ORC1: variants seen among roughly 807,000 people sequenced by gnomAD.
The protein encoded by ORC1 is origin recognition complex, subunit 1 homolog.
Under a neutral mutation model 98.9 loss-of-function variants are expected in ORC1, and 61 were observed. The observed-to-expected ratio is 0.62, with a 90% CI of 0.50 to 0.76. ORC1 has a LOEUF of 0.76. Among genes scored for constraint, ORC1 ranks in the 30% least tolerant of loss-of-function variants. The probability of loss-of-function intolerance (pLI) is 0.00; values close to 1 mark genes in which losing one functional copy is unlikely to be tolerated. For missense variants in ORC1, 979 were observed against 1,072.2 expected, an observed-to-expected ratio of 0.91 and a Z score of 1.21; for synonymous variants, 385 against 406.9, an observed-to-expected ratio of 0.95 and a Z score of 0.65.
chr1:52,385,334 T>C (rs1167863000), intron 9 of ORC1, 72 bp from the exon 10 acceptor site: 17 of 968,278 alleles, frequency 1.8e-5, no homozygotes, highest in Admixed American at 3.4e-5. Context: ...CATTAATCAA[T>C]GGAAAATGAT....
At position 52,374,124 on chromosome 1, in the gene ORC1, A is replaced by G. The variant is rs530927839; in HGVS notation, c.2391+686T>C. ...CACTGCAGATGTTCAGGAAATGTTT[A>G]CAAACTAAAATGAAAGTCACTCTCT... On this transcript the variant is annotated intron_variant, in intron 16 of 16. Transcript: ENST00000371568. Among the ~76,000 whole-genome samples, 108 of 152,362 alleles carry G rather than the reference A, an allele frequency of 7.1e-4. 2 individuals are homozygous for G. In the East Asian group the frequency reaches 8.3e-3, roughly 12 times the overall value.
intron 10 of ORC1, 70 bp from the exon 11 acceptor site, chr1:52,384,791 T>A: frequency 7.4e-7 from 1 of 1,352,260 alleles, no homozygotes. Flanking sequence ...CAGTTAGGAG[T>A]GTGGGAATGT....
chr1:52,382,559 A>G (rs1453341304), intron 13 of ORC1, among the ~76,000 whole-genome samples: 2 of 148,300 alleles, frequency 1.3e-5, no homozygotes, highest in Non-Finnish European at 3.0e-5. Context: ...CTGGCAGGTT[A>G]TAAGTGCTAA....
At chr1:52,393,882 C>T in intron 5 of ORC1, 79 bp from the exon 6 acceptor site, 2 of 1,460,788 alleles carry the variant, frequency 1.4e-6, no homozygotes, top group South Asian at 2.3e-5. Flanking sequence ...CCAAATTCAG[C>T]CACTGAGTTA....
chr1:52,373,268 A>G lies in ORC1; in HGVS notation c.2499T>C (p.Leu833=), dbSNP rs758405459. Residue 833 remains leucine, a synonymous_variant, in exon 17 of 17, where the codon CTT becomes CTC. Coordinates refer to ENST00000371568, the MANE Select transcript of ORC1 (RefSeq NM_004153.4). ...GCAGATCGTTCCTGCTGGGCTCCACAAGCAGGAGGCGACAGGAGCCCAGGT... is the reference window on the plus strand; with the variant it reads ...GCAGATCGTTCCTGCTGGGCTCCACGAGCAGGAGGCGACAGGAGCCCAGGT... ...CSHLGSCRLL[L]VEPSRNDLLL... 3 of 1,614,044 alleles carry G rather than the reference A, an allele frequency of 1.9e-6. No individual in the cohort carries two copies. The highest frequency in any genetic ancestry group is 2.7e-5 in the African/African-American group (2 of 74,930).
At chr1:52,380,725 G>A (rs1647058707) in intron 14 of ORC1, among the ~76,000 whole-genome samples, 2 of 151,286 alleles carry the variant, frequency 1.3e-5, no homozygotes, top group Non-Finnish European at 2.9e-5. Flanking sequence ...CATAAAAAAA[G>A]GATCATTCAA....
At chr1:52,404,772 A>T (rs779360363), upstream of ORC1, 1 of 1,614,138 alleles carries the variant, frequency 6.2e-7, no homozygotes, top group Admixed American at 1.7e-5. Flanking sequence ...ACAGTGAAGG[A>T]TGCGCACAGC....
upstream of ORC1, among the ~76,000 whole-genome samples, chr1:52,406,393 C>CAT (rs2147953831): frequency 6.6e-6 from 1 of 152,290 alleles, no homozygotes; most frequent in African/African-American, 2.4e-5. Context: ...TCACTAAATA[C>CAT]ATATTAAGCA....
At chr1:52,405,385 T>C (rs1569970607), upstream of ORC1, among the ~76,000 whole-genome samples, 1 of 152,232 alleles carries the variant, frequency 6.6e-6, no homozygotes, top group East Asian at 1.9e-4. Flanking sequence ...AGCAAGTCAC[T>C]TTACCTTTCT....
In ORC1 at chr1:52,375,512, C is replaced by A; in HGVS notation, c.2221G>T (p.Asp741Tyr). ...GCTATGGTGACCAGGCCAGGGGAGT[C>A]AGGCTTCTGCTGGGAGAACTCACAG... ...EICEFSQQKP[D>Y]SPGLVTIAHS... Residue 741 changes from aspartate to tyrosine, a missense_variant, in exon 15 of 17, where the codon GAC becomes TAC. Coordinates refer to ENST00000371568, the MANE Select transcript of ORC1 (RefSeq NM_004153.4). 1 of 1,614,170 alleles carries A rather than the reference C, an allele frequency of 6.2e-7. No homozygotes were observed. Among genetic ancestry groups the A allele is most frequent in the Non-Finnish European group, 8.5e-7 (1 of 1,180,028 alleles).
Position 52,397,822 on chromosome 1 carries a change from A to G in ORC1, c.265T>C (p.Phe89Leu). 1 of 1,614,222 alleles carries G rather than the reference A, an allele frequency of 6.2e-7. No individual in the cohort carries two copies. The highest frequency in any genetic ancestry group is 8.5e-7 in the Non-Finnish European group (1 of 1,180,038). Residue 89 changes from phenylalanine (F) to leucine (L), a missense_variant, in exon 4 of 17, where the codon TTT becomes CTT. Phe to Leu is a conservative substitution (Grantham distance 22). Coordinates refer to ENST00000371568, the MANE Select transcript of ORC1 (RefSeq NM_004153.4). The part of the protein sequence containing the change: ...PPKKRARVQW[F>L]VRFCEVPACK... ...GCAGGGACTTCACAGAATCGGACAA[A>G]CCACTGTACTCGAGCACGTTTCTTA...
At chr1:52,373,435 T>A in intron 16 of ORC1, 60 bp from the exon 17 acceptor site, 1 of 1,444,774 alleles carries the variant, frequency 6.9e-7, no homozygotes, top group Non-Finnish European at 9.7e-7. Flanking sequence ...CTTTTTCTGT[T>A]CCTTTCTTTC....
At chr1:52,391,808 G>T (rs751948348) in intron 6 of ORC1, among the ~76,000 whole-genome samples, 1 of 151,006 alleles carries the variant, frequency 6.6e-6, no homozygotes, top group Non-Finnish European at 1.5e-5. Flanking sequence ...TGAGGCAGGA[G>T]AATTGCTTGA....
intron 5 of ORC1, 33 bp from the exon 6 acceptor site, chr1:52,393,836 T>C: frequency 6.2e-7 from 1 of 1,605,524 alleles, no homozygotes; most frequent in East Asian, 2.2e-5. Flanking sequence ...GTAAATTTTT[T>C]ACCTAACAAT....
chr1:52,386,878 G>A (rs1207712698), intron 8 of ORC1, among the ~76,000 whole-genome samples: 2 of 152,052 alleles, frequency 1.3e-5, no homozygotes, highest in Non-Finnish European at 2.9e-5. Flanking sequence ...TTGAGCCCAG[G>A]AGGTTGAGGC....
intron 16 of ORC1, 45 bp downstream of exon 16, chr1:52,374,765 C>T (rs769170026): frequency 1.6e-5 from 21 of 1,328,694 alleles, no homozygotes; most frequent in South Asian, 4.8e-5. Flanking sequence ...ATTTTAAAAG[C>T]GTAAGTCCAA....
chr1:52,399,623 C>CAAAAA (rs1198516466), intron 3 of ORC1, among the ~76,000 whole-genome samples: 5 of 64,078 alleles, frequency 7.8e-5, no homozygotes, highest in Admixed American at 1.9e-4. Context: ...GACTCTGTCT[C>CAAAAA]AAAAAAAAAA....
At chr1:52,376,644 TACCA>T (rs1482412626) in intron 14 of ORC1, among the ~76,000 whole-genome samples, 1 of 152,062 alleles carries the variant, frequency 6.6e-6, no homozygotes. Flanking sequence ...CCCCTCCCAT[TACCA>T]CCTGTACAGC....
At chr1:52,384,030 C>T (rs866051195) in intron 11 of ORC1, 93 bp from the exon 12 acceptor site, 2 of 996,402 alleles carry the variant, frequency 2.0e-6, no homozygotes, top group Middle Eastern at 2.0e-4. Context: ...GGCATTTAAC[C>T]TGAGGACTTC....
Sources: allele counts gnomAD v4.1 joint callset (sites outside exome capture counted in the v4.1 genomes callset), GRCh38; gene constraint gnomAD v4.1.1; transcripts MANE v1.5; gene names NCBI Gene and HGNC (gene_info 2026-07-23, HGNC 2026-07-21).